The following PTPRZ1 variants were observed in gnomAD, a reference collection of about 807,000 sequenced individuals.
The protein encoded by PTPRZ1 is receptor-type tyrosine-protein phosphatase zeta.
A neutral mutation model predicts 214.1 loss-of-function variants in PTPRZ1; 82 were observed. The observed-to-expected ratio is 0.38, with a 90% confidence interval of 0.32 to 0.46. The LOEUF (loss-of-function observed/expected upper bound fraction) is 0.46. PTPRZ1 is among the 20% of genes least tolerant of loss of function. The probability of loss-of-function intolerance (pLI) is 1.00; values close to 1 mark genes in which losing one functional copy is unlikely to be tolerated. For synonymous variants in PTPRZ1, 945 were observed against 987.9 expected, an observed-to-expected ratio of 0.96 and a Z score of 0.81; for missense variants, 2,603 against 2,748.7, an observed-to-expected ratio of 0.95 and a Z score of 1.19.
intron 8 of PTPRZ1, among the ~76,000 whole-genome samples, chr7:121,995,442 A>G (rs1265038233): frequency 6.6e-6 from 1 of 152,248 alleles, no homozygotes; most frequent in Admixed American, 6.5e-5. Context: ...GTAAAATATC[A>G]TAAAATGTTA....
Position 122,019,285 on chromosome 7 carries a change from T to G in PTPRZ1, c.4988+17T>G, listed in dbSNP as rs1403107879. On this transcript the variant is annotated intron_variant, in intron 13 of 29. Coordinates refer to ENST00000393386, the MANE Select transcript of PTPRZ1 (RefSeq NM_002851.3). The stretch of plus-strand genomic sequence containing the variant: ...CTACTGGAGGTAAGTTGAGTATTTG[T>G]TTTGGAAAATTTAATTCATAAAACT... 2 of 1,597,968 alleles carry G rather than the reference T, an allele frequency of 1.3e-6. No homozygotes were observed. Among genetic ancestry groups the G allele is most frequent in the Non-Finnish European group, 8.6e-7 (1 of 1,168,590 alleles).
Position 122,011,102 on chromosome 7 carries a change from T to A in PTPRZ1, c.2056T>A (p.Ser686Thr). 2 of 1,614,126 alleles carry A rather than the reference T, an allele frequency of 1.2e-6. No individual in the cohort carries two copies. The highest frequency in any genetic ancestry group is 1.7e-6 in the Non-Finnish European group (2 of 1,180,020). ...TNYTEIRVDE[S>T]EKTTKSFSAG... ...TTACACTGAGATACGTGTTGATGAA[T>A]CTGAGAAGACAACCAAGTCCTTTTC... Residue 686 changes from serine (S) to threonine (T), a missense_variant, in exon 12 of 30, where the codon TCT becomes ACT. Coordinates refer to ENST00000393386, the MANE Select transcript of PTPRZ1 (RefSeq NM_002851.3).
chr7:121,993,416 CA>C (rs959965152), intron 8 of PTPRZ1, among the ~76,000 whole-genome samples: 12 of 142,382 alleles, frequency 8.4e-5, no homozygotes, highest in East Asian at 2.1e-4. Context: ...ACTAAAAATA[CA>C]AAAAAAAAAC....
chr7:122,008,236 G>T (rs977730005), intron 11 of PTPRZ1, among the ~76,000 whole-genome samples: 6 of 152,234 alleles, frequency 3.9e-5, no homozygotes, highest in African/African-American at 1.4e-4. Flanking sequence ...ATCATATAGA[G>T]AAAATGGATG....
chr7:121,875,977 A>C (rs1370859878), intron 1 of PTPRZ1, among the ~76,000 whole-genome samples: 3 of 152,228 alleles, frequency 2.0e-5, no homozygotes, highest in African/African-American at 7.2e-5. Flanking sequence ...GTACAGGAGA[A>C]GAGCTCAATA....
At chr7:121,895,746 C>T (rs1242544812) in intron 1 of PTPRZ1, among the ~76,000 whole-genome samples, 1 of 152,180 alleles carries the variant, frequency 6.6e-6, no homozygotes. Flanking sequence ...AGTCTGTACA[C>T]TAAACCGGTT....
chr7:122,055,943 A>G (rs990883981), intron 27 of PTPRZ1, among the ~76,000 whole-genome samples: 7 of 151,932 alleles, frequency 4.6e-5, no homozygotes, highest in African/African-American at 1.7e-4. Context: ...TATAAACTTG[A>G]TAATACAAAT....
Position 121,972,593 on chromosome 7 carries a change from GGT to G in PTPRZ1, c.360_361del (p.Phe121Ter). The stretch of plus-strand genomic sequence containing the variant: ...GTGTCAGCGGAGGAGTTTCAGAAAT[GGT>G]GTTTAAAGCAAGCAAGATAACTTTT... Reference protein sequence around the residue: ...YRVSGGVSEMVFKASKITFHW... With the variant: ...YRVSGGVSEMXFKASKITFHW... On this transcript the variant is annotated frameshift_variant, in exon 4 of 30. Transcript: ENST00000393386. LOFTEE classifies it high-confidence loss of function. The G allele has an allele frequency of 6.2e-7, 1 of 1,613,302 alleles. No individual in the cohort carries two copies. Among genetic ancestry groups the G allele is most frequent in the Non-Finnish European group, 8.5e-7 (1 of 1,179,566 alleles).
chr7:122,061,467 G>A lies in PTPRZ1; in HGVS notation c.*247G>A, dbSNP rs890254725. 4 of 265,154 alleles carry A rather than the reference G, an allele frequency of 1.5e-5. No homozygotes were observed. The highest frequency in any genetic ancestry group is 6.6e-5 in the African/African-American group (3 of 45,254). The allele number at this position is 265,154 out of a possible 1,614,324, so 16.4% of individuals were successfully genotyped here. On this transcript the variant is annotated 3_prime_UTR_variant, in exon 30 of 30. Transcript: ENST00000393386. ...ACAGTATTTCTAAGAATGGAATTGT[G>A]GTATTTTTTTCTGTATTGATTTTAA...
At chr7:121,876,612 A>T (rs1351154670) in intron 1 of PTPRZ1, among the ~76,000 whole-genome samples, 1 of 152,204 alleles carries the variant, frequency 6.6e-6, no homozygotes, top group Non-Finnish European at 1.5e-5. Flanking sequence ...AACAAATTGT[A>T]ACCACATATA....
chr7:122,041,036 A>G (rs1451986457), intron 21 of PTPRZ1, 57 bp downstream of exon 21: 1 of 1,356,586 alleles, frequency 7.4e-7, no homozygotes, highest in African/African-American at 1.5e-5. Flanking sequence ...TGCAAAAAGG[A>G]AATCAATGGA....
At chr7:122,000,189 T>A (rs1330193702) in intron 10 of PTPRZ1, among the ~76,000 whole-genome samples, 2 of 152,190 alleles carry the variant, frequency 1.3e-5, no homozygotes, top group African/African-American at 4.8e-5. Flanking sequence ...CTATTTTTTA[T>A]AAAGAAAAGA....
chr7:121,926,599 C>A (rs938114145), intron 1 of PTPRZ1, among the ~76,000 whole-genome samples: 1 of 152,130 alleles, frequency 6.6e-6, no homozygotes, highest in Non-Finnish European at 1.5e-5. Flanking sequence ...CTAGAATAGT[C>A]AAATCTATAT....
intron 3 of PTPRZ1, among the ~76,000 whole-genome samples, chr7:121,970,117 C>T (rs1028758344): frequency 1.2e-4 from 18 of 152,020 alleles, no homozygotes; most frequent in Admixed American, 5.9e-4. Flanking sequence ...CATGTCCCTA[C>T]AAAGGACATG....
rs566930159 is a variant in PTPRZ1 at position 121,914,659 on chromosome 7, T to A, written c.59-13497T>A. ...TAATCTTATTTTGTTGAAATATCCT[T>A]GGTGGTCCATGGTATTTTAAAGACC... On this transcript the variant is annotated intron_variant, in intron 1 of 29. Transcript: ENST00000393386. Among the ~76,000 whole-genome samples the A allele has an allele frequency of 6.7e-4, 102 of 152,318 alleles. 1 individual carries two copies. The highest frequency in any genetic ancestry group is 1.4e-3 in the Non-Finnish European group (97 of 68,034).
At chr7:122,010,257 T>C (rs1374767531) in intron 11 of PTPRZ1, 77 bp from the exon 12 acceptor site, 24 of 1,360,912 alleles carry the variant, frequency 1.8e-5, no homozygotes, top group Non-Finnish European at 2.3e-5. Flanking sequence ...CAAGTGATGA[T>C]TGGCAGTGTA....
Position 122,058,860 on chromosome 7 carries a change from C to T in PTPRZ1, c.6589C>T (p.Pro2197Ser). 3.1e-6 allele frequency: 5 copies of T among 1,596,528 alleles called. No homozygotes were observed. In the South Asian group the frequency reaches 5.5e-5, roughly 18 times the overall value. The change falls in exon 28 of 30, where the codon CCC becomes TCC. Residue 2197 changes from proline to serine, a missense_variant. Coordinates refer to ENST00000393386, the MANE Select transcript of PTPRZ1 (RefSeq NM_002851.3). ...TCCTAAATGGCCAAATCCAGATAGC[C>T]CCATTAGTAAAACTTTTGAACTTAT... ...QCPKWPNPDSPISKTFELISV... is the reference protein window; with the variant it reads ...QCPKWPNPDSSISKTFELISV...
intron 12 of PTPRZ1, among the ~76,000 whole-genome samples, chr7:122,018,208 C>T (rs751891907): frequency 3.9e-5 from 6 of 152,080 alleles, no homozygotes; most frequent in Non-Finnish European, 8.8e-5. Context: ...TGTTAGAAAC[C>T]GTTCTCATGC....
chr7:121,951,951 A>ATTTTTT (rs1273271925), intron 2 of PTPRZ1, among the ~76,000 whole-genome samples: 1 of 50,504 alleles, frequency 2.0e-5, no homozygotes. Flanking sequence ...ATGCGAGTGT[A>ATTTTTT]TTTATTTATT....
Sources: gnomAD v4.1 joint callset for allele counts (sites outside exome capture counted in the v4.1 genomes callset) on GRCh38, gnomAD v4.1.1 for gene constraint, MANE v1.5 for transcripts, NCBI Gene and HGNC (gene_info 2026-07-23, HGNC 2026-07-21) for gene names.